TASP1: variants seen among roughly 807,000 people sequenced by gnomAD.
TASP1 encodes threonine aspartase 1.
Under a neutral mutation model 56.6 loss-of-function variants are expected in TASP1, and 16 were observed. The observed-to-expected ratio is 0.28, with a 90% CI of 0.19 to 0.43. The LOEUF (loss-of-function observed/expected upper bound fraction) is 0.43, where lower values mean the gene tolerates loss of function less well. Among genes scored for constraint, TASP1 ranks in the 20% least tolerant of loss-of-function variants. TASP1 has a pLI of 1.00. For missense variants in TASP1, 393 were observed against 511.6 expected, an observed-to-expected ratio of 0.77 and a Z score of 2.24; for synonymous variants, 179 against 184.2, an observed-to-expected ratio of 0.97 and a Z score of 0.23.
intron 4 of TASP1, among the ~76,000 whole-genome samples, chr20:13,623,044 CT>C (rs2048770969): frequency 6.6e-6 from 1 of 152,190 alleles, no homozygotes; most frequent in Non-Finnish European, 1.5e-5. Context: ...ATATATCTAA[CT>C]GTTAGGTTCG....
At chr20:13,516,658 GTTTTTTTTTTT>G (rs34296221) in intron 10 of TASP1, among the ~76,000 whole-genome samples, 2 of 124,852 alleles carry the variant, frequency 1.6e-5, no homozygotes, top group East Asian at 2.3e-4. Context: ...TTACGCCTTT[GTTTTTTTTTTT>G]TTTTTTTTTT....
intron 12 of TASP1, among the ~76,000 whole-genome samples, chr20:13,422,386 A>G (rs2042473857): frequency 6.6e-6 from 1 of 152,048 alleles, no homozygotes; most frequent in Non-Finnish European, 1.5e-5. Context: ...TTTATTGGTC[A>G]TCATTTCATG....
chr20:13,119,143 T>C, the TASP1 span, among the ~76,000 whole-genome samples: 5 of 152,240 alleles, frequency 3.3e-5, no homozygotes, highest in Non-Finnish European at 5.9e-5. Flanking sequence ...TGATCCTGGC[T>C]ACATTGCTCT....
At chr20:13,191,787 A>G in the TASP1 span, among the ~76,000 whole-genome samples, 1 of 152,226 alleles carries the variant, frequency 6.6e-6, no homozygotes, top group African/African-American at 2.4e-5. Flanking sequence ...GGGGTGATGG[A>G]TATTTGAATT....
chr20:13,447,740 T>C (rs1279138067), intron 11 of TASP1, among the ~76,000 whole-genome samples: 7 of 152,148 alleles, frequency 4.6e-5, no homozygotes, highest in Non-Finnish European at 1.0e-4. Context: ...AGCCCTCATT[T>C]TGTTAAGCCC....
chr20:13,557,535 T>C (rs1346028199), intron 8 of TASP1, among the ~76,000 whole-genome samples: 2 of 150,506 alleles, frequency 1.3e-5, no homozygotes, highest in African/African-American at 2.4e-5. Context: ...ACTGATTAAA[T>C]CATTTACTCT....
At chr20:13,321,253 T>TAAAAAA in the TASP1 span, among the ~76,000 whole-genome samples, 45 of 57,504 alleles carry the variant, frequency 7.8e-4, no homozygotes, top group South Asian at 0.017. Context: ...GTGCCCCACA[T>TAAAAAA]AAAAAAAAAA....
chr20:13,347,415 C>A, the TASP1 span, among the ~76,000 whole-genome samples: 203 of 152,360 alleles, frequency 1.3e-3, no homozygotes, highest in African/African-American at 4.6e-3. Flanking sequence ...AACCCACTCC[C>A]TGAAGGCCAT....
intron 11 of TASP1, among the ~76,000 whole-genome samples, chr20:13,461,447 G>A (rs962278890): frequency 2.0e-5 from 3 of 152,092 alleles, no homozygotes; most frequent in African/African-American, 4.8e-5. Flanking sequence ...GTGTATGCAC[G>A]AATCCTTATT....
At chr20:13,363,648 C>G in the TASP1 span, among the ~76,000 whole-genome samples, 1 of 152,180 alleles carries the variant, frequency 6.6e-6, no homozygotes, top group African/African-American at 2.4e-5. Context: ...CATCAGAAGT[C>G]AGGGTTGGGG....
Position 13,483,151 on chromosome 20 carries a change from G to A in TASP1, c.985+76C>T, listed in dbSNP as rs2273478. On this transcript the variant is annotated intron_variant, in intron 11 of 13. Coordinates refer to ENST00000337743, the MANE Select transcript of TASP1 (RefSeq NM_017714.3). The stretch of plus-strand genomic sequence containing the variant: ...AGGTAGGTCTAGAAATACAAATGGA[G>A]TACCTGACTCATAGTGCTTATAGAA... 718 of 1,048,714 alleles carry A rather than the reference G, an allele frequency of 6.8e-4. 5 individuals carry two copies. The East Asian group carries it at 0.018, about 26-fold the overall frequency. The allele number at this position is 1,048,714 out of a possible 1,614,324, so 65.0% of individuals were successfully genotyped here. A position where few individuals can be genotyped will look rare whatever the true frequency, so the allele number is the denominator to read the frequency against.
At chr20:13,638,510 A>G (rs890770498) in intron 1 of TASP1, among the ~76,000 whole-genome samples, 1 of 151,018 alleles carries the variant, frequency 6.6e-6, no homozygotes, top group African/African-American at 2.4e-5. Flanking sequence ...CTTACCCCCA[A>G]CCCGCCACCC....
At chr20:13,488,152 T>G (rs1440981760) in intron 10 of TASP1, among the ~76,000 whole-genome samples, 2 of 152,084 alleles carry the variant, frequency 1.3e-5, no homozygotes, top group African/African-American at 4.8e-5. Context: ...AATATTTGCA[T>G]AAGGAATAAG....
At chr20:13,622,721 C>T (rs1336691160) in intron 4 of TASP1, among the ~76,000 whole-genome samples, 1 of 152,132 alleles carries the variant, frequency 6.6e-6, no homozygotes, top group Non-Finnish European at 1.5e-5. Context: ...GTCATCATGT[C>T]TTACTTGATT....
At chr20:13,510,736 T>C (rs1004690220) in intron 10 of TASP1, among the ~76,000 whole-genome samples, 1 of 152,198 alleles carries the variant, frequency 6.6e-6, no homozygotes, top group African/African-American at 2.4e-5. Context: ...GTTTGACCTC[T>C]CTGAACTACA....
chr20:13,193,483 C>A, the TASP1 span, among the ~76,000 whole-genome samples: 2 of 152,134 alleles, frequency 1.3e-5, no homozygotes, highest in Non-Finnish European at 2.9e-5. Context: ...TCAAAACATA[C>A]AAAAACACAT....
chr20:13,367,765 G>A, the TASP1 span, among the ~76,000 whole-genome samples: 1 of 152,182 alleles, frequency 6.6e-6, no homozygotes, highest in Non-Finnish European at 1.5e-5. Flanking sequence ...ATGAAGGTAT[G>A]AACTGATTTT....
At chr20:13,593,139 T>C (rs932799184) in intron 4 of TASP1, among the ~76,000 whole-genome samples, 1 of 152,142 alleles carries the variant, frequency 6.6e-6, no homozygotes, top group Non-Finnish European at 1.5e-5. Context: ...AGAATTTCCT[T>C]AACTTAATTA....
chr20:13,614,303 A>G (rs982841881), intron 4 of TASP1, among the ~76,000 whole-genome samples: 2 of 152,050 alleles, frequency 1.3e-5, no homozygotes, highest in African/African-American at 4.8e-5. Flanking sequence ...TAACTATTCA[A>G]TTTACAAAAG....
Sources: gnomAD v4.1 joint callset for allele counts (sites outside exome capture counted in the v4.1 genomes callset) on GRCh38, gnomAD v4.1.1 for gene constraint, MANE v1.5 for transcripts, NCBI Gene and HGNC (gene_info 2026-07-23, HGNC 2026-07-21) for gene names.